Variants in COL5A2 observed in about 807,000 individuals in gnomAD.
COL5A2 encodes collagen type V alpha 2 chain.
COL5A2 carries 23 observed loss-of-function variants against 208.2 expected under a neutral mutation model. That is an observed-to-expected ratio of 0.11 (90% CI 0.08 to 0.16). The LOEUF (loss-of-function observed/expected upper bound fraction) is 0.16, where lower values mean the gene tolerates loss of function less well. Among genes scored for constraint, COL5A2 ranks in the 10% least tolerant of loss-of-function variants. The pLI is 1.00. For missense variants in COL5A2, 1,590 were observed against 1,956.4 expected (o/e 0.81, Z 3.53); for synonymous variants, 625 against 628.5 (o/e 0.99, Z 0.08).
At chr2:189,063,120 C>T in intron 27 of COL5A2, 52 bp downstream of exon 27, 2 of 1,610,330 alleles carry the variant, frequency 1.2e-6, no homozygotes, top group Non-Finnish European at 8.5e-7. Flanking sequence ...AACATACCTC[C>T]TCCAAATGAG....
At chr2:189,276,600 TG>T in the COL5A2 span, among the ~76,000 whole-genome samples, 2 of 152,196 alleles carry the variant, frequency 1.3e-5, no homozygotes, top group African/African-American at 4.8e-5. Flanking sequence ...CCATAGGAAT[TG>T]CTCAGTTATG....
chr2:189,108,068 A>G (rs1687184504), intron 2 of COL5A2, among the ~76,000 whole-genome samples: 1 of 151,830 alleles, frequency 6.6e-6, no homozygotes, highest in Non-Finnish European at 1.5e-5. Context: ...GGAATTACCA[A>G]ACTCACTCTA....
the COL5A2 span, among the ~76,000 whole-genome samples, chr2:189,285,463 C>T: frequency 6.6e-6 from 1 of 152,058 alleles, no homozygotes; most frequent in Admixed American, 6.6e-5. Flanking sequence ...TGCAATTTCC[C>T]ATCTGTATTA....
chr2:189,334,829 G>A, the COL5A2 span, among the ~76,000 whole-genome samples: 224 of 152,076 alleles, frequency 1.5e-3, no homozygotes, highest in Non-Finnish European at 2.6e-3. Flanking sequence ...TGATTTCAAG[G>A]CTTACTATAA....
rs80003448 is a variant in COL5A2 at position 189,120,225 on chromosome 2, T to C, written c.98-9776A>G. 7.9e-4 allele frequency among the ~76,000 whole-genome samples: 121 copies of C among 152,258 alleles called. 1 individual carries two copies. In the East Asian group the frequency reaches 0.022, roughly 28 times the overall value. On this transcript the variant is annotated intron_variant, in intron 1 of 53. Coordinates refer to ENST00000374866, the MANE Select transcript of COL5A2 (RefSeq NM_000393.5). ...CAAAATATACAGAAGCTGCAAAAGATAATGAATTTTTTGTAGAATGATTTT... is the reference window on the plus strand; with the variant it reads ...CAAAATATACAGAAGCTGCAAAAGACAATGAATTTTTTGTAGAATGATTTT...
chr2:189,045,918 T>C lies in COL5A2; in HGVS notation c.3202-11A>G. 3.7e-6 allele frequency: 6 copies of C among 1,603,350 alleles called. 1 individual carries two copies. In the South Asian group the frequency reaches 6.6e-5, roughly 18 times the overall value. ...GTCTCCACGATCACCCTAACAAGAA[T>C]AACCATGATATTATTTTTTAACATT... On this transcript the variant is annotated splice_polypyrimidine_tract_variant and intron_variant, in intron 45 of 53. Coordinates refer to ENST00000374866, the MANE Select transcript of COL5A2 (RefSeq NM_000393.5).
chr2:189,081,166 C>G, intron 12 of COL5A2, 123 bp from the exon 13 acceptor site: 1 of 734,550 alleles, frequency 1.4e-6, no homozygotes. Flanking sequence ...TTAAGAAGAA[C>G]AAAAAAAAGC....
the COL5A2 span, among the ~76,000 whole-genome samples, chr2:189,413,465 G>A: frequency 1.3e-5 from 2 of 152,102 alleles, no homozygotes; most frequent in Non-Finnish European, 2.9e-5. Context: ...TGACGACTGG[G>A]CCCAAGGAGA....
At chr2:189,092,266 A>G in intron 7 of COL5A2, 44 bp downstream of exon 7, 1 of 1,182,326 alleles carries the variant, frequency 8.5e-7, no homozygotes, top group Non-Finnish European at 1.2e-6. Flanking sequence ...TCAATAATTT[A>G]AAACATGACC....
chr2:189,177,669 C>T (rs1322907014), intron 1 of COL5A2, among the ~76,000 whole-genome samples: 1 of 151,932 alleles, frequency 6.6e-6, no homozygotes, highest in South Asian at 2.1e-4. Flanking sequence ...ATACTGTTCG[C>T]GGGGGGTACT....
upstream of COL5A2, among the ~76,000 whole-genome samples, chr2:189,227,932 C>A (rs1689439597): frequency 1.3e-5 from 2 of 151,968 alleles, no homozygotes; most frequent in South Asian, 4.2e-4. Context: ...CATACTAGGT[C>A]ACAAAACAAA....
intron 1 of COL5A2, among the ~76,000 whole-genome samples, chr2:189,114,145 C>G (rs1687340639): frequency 6.6e-6 from 1 of 152,166 alleles, no homozygotes; most frequent in Non-Finnish European, 1.5e-5. Context: ...AGTTGGAATG[C>G]TTTTAAATAG....
intron 42 of COL5A2, 48 bp downstream of exon 42, chr2:189,051,272 G>A (rs369124986): frequency 1.2e-6 from 2 of 1,611,254 alleles, no homozygotes; most frequent in Non-Finnish European, 1.7e-6. Context: ...GTTTCTATTT[G>A]TAAATATCTC....
At position 189,104,353 on chromosome 2, in the gene COL5A2, A is replaced by G. The variant is rs1198358720; in HGVS notation, c.323-76T>C. The G allele has an allele frequency of 8.9e-6, 9 of 1,014,428 alleles. No individual in the cohort carries two copies. In the East Asian group the frequency reaches 1.7e-4, roughly 19 times the overall value. 62.8% of individuals were successfully genotyped at this position (1,014,428 alleles called of 1,614,324 possible). A position where few individuals can be genotyped will look rare whatever the true frequency, so the allele number is the denominator to read the frequency against. On this transcript the variant is annotated intron_variant, in intron 2 of 53. Transcript: ENST00000374866. ...AGAATCTGCTAAATATTTACTTTCA[A>G]TAATAGATTTCTTCTGGAGTCAGAA...
the COL5A2 span, among the ~76,000 whole-genome samples, chr2:189,401,502 T>G: frequency 4.1e-4 from 62 of 152,316 alleles, 1 homozygote; most frequent in African/African-American, 1.2e-3. Flanking sequence ...TCTTTGCTAT[T>G]GTGAATAGTG....
intron 40 of COL5A2, 67 bp downstream of exon 40, chr2:189,052,682 A>T: frequency 7.0e-6 from 10 of 1,435,022 alleles, no homozygotes; most frequent in African/African-American, 1.4e-5. Flanking sequence ...TATCTTTTAC[A>T]TGACCAGGAA....
chr2:189,077,674 T>A (rs1382488696), intron 16 of COL5A2, among the ~76,000 whole-genome samples: 1 of 152,190 alleles, frequency 6.6e-6, no homozygotes, highest in Non-Finnish European at 1.5e-5. Flanking sequence ...CTTACTAAAG[T>A]GATAAAGAAT....
At chr2:189,357,293 C>T in the COL5A2 span, among the ~76,000 whole-genome samples, 1 of 152,174 alleles carries the variant, frequency 6.6e-6, no homozygotes, top group Middle Eastern at 3.2e-3. Context: ...TCTTCAGAGC[C>T]GTCAGGCAGG....
the COL5A2 span, among the ~76,000 whole-genome samples, chr2:189,360,287 G>A: frequency 2.6e-5 from 4 of 151,740 alleles, no homozygotes; most frequent in African/African-American, 9.7e-5. Context: ...TTAAAATTTT[G>A]TTTAGTTAAA....
Sources: gnomAD v4.1 joint callset for allele counts (sites outside exome capture counted in the v4.1 genomes callset) on GRCh38, gnomAD v4.1.1 for gene constraint, MANE v1.5 for transcripts, NCBI Gene and HGNC (gene_info 2026-07-23, HGNC 2026-07-21) for gene names.